KCNN1: variants seen among roughly 807,000 people sequenced by gnomAD.
The protein encoded by KCNN1 is small conductance calcium-activated potassium channel protein 1.
Under a neutral mutation model 44.7 loss-of-function variants are expected in KCNN1, and 20 were observed. The ratio of observed to expected loss-of-function variants is 0.45; its 90% CI spans 0.32 to 0.65. The LOEUF is 0.65. Among genes scored for constraint, KCNN1 ranks in the 30% least tolerant of loss-of-function variants. The probability of loss-of-function intolerance (pLI) is 0.05; values close to 1 mark genes in which losing one functional copy is unlikely to be tolerated. For synonymous variants in KCNN1, 324 were observed against 341.7 expected (o/e 0.95, Z 0.57); for missense variants, 632 against 785.3 (o/e 0.80, Z 2.33).
At chr19:17,979,852 C>T (rs907081050) in intron 3 of KCNN1, among the ~76,000 whole-genome samples, 14 of 150,810 alleles carry the variant, frequency 9.3e-5, no homozygotes. Flanking sequence ...TTTAAAATGA[C>T]ACGTGAAAAA....
At chr19:17,965,291 G>A (rs1439244257), upstream of KCNN1, among the ~76,000 whole-genome samples, 1 of 147,332 alleles carries the variant, frequency 6.8e-6, no homozygotes, top group Non-Finnish European at 1.5e-5. Flanking sequence ...AAAAAAGAAA[G>A]AAAAAAGCAT....
At chr19:17,997,957 A>G (rs941588643) in intron 9 of KCNN1, among the ~76,000 whole-genome samples, 195 bp from the exon 10 acceptor site, 2 of 150,344 alleles carry the variant, frequency 1.3e-5, no homozygotes, top group Admixed American at 6.6e-5. Flanking sequence ...TCCACTCTCC[A>G]ATCCTTCCCT....
chr19:17,976,082 A>C (rs1297664873), intron 3 of KCNN1, among the ~76,000 whole-genome samples: 1 of 152,058 alleles, frequency 6.6e-6, no homozygotes, highest in East Asian at 1.9e-4. Context: ...TTGGGAGGCC[A>C]AGGCGGGTGG....
chr19:17,952,249 C>T (rs998740239), intron 1 of KCNN1: 5 of 151,982 alleles, frequency 3.3e-5, no homozygotes, highest in African/African-American at 4.8e-5. Context: ...CGCACACCCT[C>T]CCGGCTCACA....
chr19:17,966,011 GCCTGCCTGCCTGCCTTCCTT>G (rs1337157983), upstream of KCNN1, among the ~76,000 whole-genome samples: 27 of 119,082 alleles, frequency 2.3e-4, no homozygotes, highest in African/African-American at 7.1e-4. Context: ...CTGCCTGCCT[GCCTGCCTGCCTGCCTTCCTT>G]CCTTCCTTCC....
chr19:17,966,788 G>A (rs2031821054), upstream of KCNN1, among the ~76,000 whole-genome samples: 1 of 152,104 alleles, frequency 6.6e-6, no homozygotes, highest in Non-Finnish European at 1.5e-5. Flanking sequence ...CTTACGGGGA[G>A]GACAGTCCCC....
intron 2 of KCNN1, among the ~76,000 whole-genome samples, chr19:17,960,945 G>A (rs904409443): frequency 6.6e-6 from 1 of 151,866 alleles, no homozygotes; most frequent in Non-Finnish European, 1.5e-5. Flanking sequence ...TCTTCATTGG[G>A]TGGGCCAAAG....
chr19:17,975,606 A>C (rs1890814098), intron 3 of KCNN1, among the ~76,000 whole-genome samples: 1 of 151,916 alleles, frequency 6.6e-6, no homozygotes, highest in Admixed American at 6.6e-5. Flanking sequence ...TTTCTAGTAG[A>C]GACGGGATTT....
chr19:17,965,371 G>A (rs1309218629), upstream of KCNN1, among the ~76,000 whole-genome samples: 1 of 152,152 alleles, frequency 6.6e-6, no homozygotes, highest in Non-Finnish European at 1.5e-5. Flanking sequence ...GTGGCTCAGG[G>A]ACTCCTGCAA....
intron 1 of KCNN1, among the ~76,000 whole-genome samples, chr19:17,951,792 G>A (rs2031415472): frequency 6.6e-6 from 1 of 152,126 alleles, no homozygotes; most frequent in Non-Finnish European, 1.5e-5. Context: ...GGCGTGGTGG[G>A]GAGGCTTTAA....
At chr19:17,960,167 G>A (rs2031644926) in intron 2 of KCNN1, among the ~76,000 whole-genome samples, 1 of 151,908 alleles carries the variant, frequency 6.6e-6, no homozygotes, top group African/African-American at 2.4e-5. Flanking sequence ...GCAGCTGTAA[G>A]CATTCATGGA....
In KCNN1 at chr19:17,980,228, A is replaced by ATTTT. The variant is rs34810089; in HGVS notation, c.499-1453_499-1450dup. ...AGGCACCCGCCACCACACCTAGCTA[A>ATTTT]TTTTTTTTTTTTTTTTTTTTTTTTT... On this transcript the variant is annotated intron_variant, in intron 3 of 9. Transcript: ENST00000684775. Among the ~76,000 whole-genome samples the ATTTT allele has an allele frequency of 4.4e-3, 195 of 44,508 alleles. 10 individuals carry two copies. The highest frequency in any genetic ancestry group is 0.053 in the Middle Eastern group (2 of 38). 29.2% of individuals were successfully genotyped at this position (44,508 alleles called of 152,430 possible). A position where few individuals can be genotyped will look rare whatever the true frequency, so the allele number is the denominator to read the frequency against.
intron 2 of KCNN1, among the ~76,000 whole-genome samples, chr19:17,957,494 T>C (rs1285496956): frequency 6.6e-6 from 1 of 152,026 alleles, no homozygotes; most frequent in East Asian, 1.9e-4. Flanking sequence ...GCAGTGATCA[T>C]GAGCTGAGAC....
intron 7 of KCNN1, among the ~76,000 whole-genome samples, chr19:17,991,063 C>T (rs913524018): frequency 6.6e-6 from 1 of 151,876 alleles, no homozygotes; most frequent in Admixed American, 6.6e-5. Flanking sequence ...ACTTATAATC[C>T]CTGCACTTTG....
chr19:17,987,504 T>C (rs2032640495), intron 5 of KCNN1, among the ~76,000 whole-genome samples: 1 of 152,186 alleles, frequency 6.6e-6, no homozygotes, highest in South Asian at 2.1e-4. Flanking sequence ...TCCATTCCTT[T>C]TCCTTGCTGT....
At chr19:17,960,856 C>T in intron 2 of KCNN1, among the ~76,000 whole-genome samples, 1 of 151,822 alleles carries the variant, frequency 6.6e-6, no homozygotes, top group Non-Finnish European at 1.5e-5. Flanking sequence ...CCTGTTTGTC[C>T]ATCTGTATCC....
Position 17,967,124 on chromosome 19 carries a change from C to G in KCNN1, c.-275C>G, listed in dbSNP as rs889944743. The G allele has an allele frequency of 1.1e-5, 11 of 977,970 alleles. No individual in the cohort carries two copies. In the Admixed American group the frequency reaches 3.2e-4, roughly 28 times the overall value. The allele number at this position is 977,970 out of a possible 1,614,324, so 60.6% of individuals were successfully genotyped here. A position where few individuals can be genotyped will look rare whatever the true frequency, so the allele number is the denominator to read the frequency against. On this transcript the variant is annotated 5_prime_UTR_variant, in exon 1 of 10. Coordinates refer to ENST00000684775, the MANE Select transcript of KCNN1 (RefSeq NM_001386974.1). ...GCCCGGGCGGGCGCTCGCCCCCCGC[C>G]GGGCCCGTGGACTGGGCGGCGGGGG... is the stretch of plus-strand genomic sequence containing the variant.
intron 1 of KCNN1, among the ~76,000 whole-genome samples, chr19:17,967,563 G>C (rs1434959952): frequency 6.6e-6 from 1 of 152,006 alleles, no homozygotes; most frequent in South Asian, 2.1e-4. Context: ...GTTCACTTTG[G>C]GGGAGGGCAG....
rs80248076 is a variant in KCNN1, at chr19:17,994,084, G to C, written c.1377+525G>C. On this transcript the variant is annotated intron_variant, in intron 9 of 9. Coordinates refer to ENST00000684775, the MANE Select transcript of KCNN1 (RefSeq NM_001386974.1). ...GGTATAAATTCAAATGATAGCCTTG[G>C]GAGAAAGCTTTGTATAATTTGTATA... is the stretch of plus-strand genomic sequence containing the variant. Among the ~76,000 whole-genome samples, 30 of 152,200 alleles carry C rather than the reference G, an allele frequency of 2.0e-4. No homozygotes were observed. The East Asian group carries it at 5.8e-3, about 29-fold the overall frequency.
Sources: allele counts gnomAD v4.1 joint callset (sites outside exome capture counted in the v4.1 genomes callset), GRCh38; gene constraint gnomAD v4.1.1; transcripts MANE v1.5; gene names NCBI Gene and HGNC (gene_info 2026-07-23, HGNC 2026-07-21).